SERPINB5: variants seen among roughly 807,000 people sequenced by gnomAD.
SERPINB5 encodes serpin B5.
SERPINB5 carries 27 observed loss-of-function variants against 32.2 expected under a neutral mutation model. The observed-to-expected ratio is 0.84, with a 90% CI of 0.62 to 1.16. The LOEUF is 1.16. SERPINB5 is among the 50% of genes most tolerant of loss of function. The pLI is 0.00. For missense variants in SERPINB5, 388 were observed against 436.3 expected, an observed-to-expected ratio of 0.89 and a Z score of 0.99; for synonymous variants, 154 against 157.4, an observed-to-expected ratio of 0.98 and a Z score of 0.16.
chr18:63,492,831 C>A, intron 4 of SERPINB5, 122 bp from the exon 5 acceptor site: 1 of 1,208,386 alleles, frequency 8.3e-7, no homozygotes, highest in Non-Finnish European at 1.2e-6. Flanking sequence ...ATGGTTGGAA[C>A]CATCAGGCCT....
intron 5 of SERPINB5, among the ~76,000 whole-genome samples, chr18:63,495,543 C>A (rs1386586899): frequency 6.6e-6 from 1 of 152,234 alleles, no homozygotes; most frequent in African/African-American, 2.4e-5. Context: ...TTCAAGACCC[C>A]AGAGCCAGCC....
At chr18:63,496,248 C>G (rs532837553) in intron 5 of SERPINB5, among the ~76,000 whole-genome samples, 10 of 152,140 alleles carry the variant, frequency 6.6e-5, no homozygotes, top group Middle Eastern at 6.3e-3. Context: ...TATGAGCAGT[C>G]TAACCTGTTG....
chr18:63,501,543 C>A (rs193254905), intron 6 of SERPINB5, among the ~76,000 whole-genome samples: 1 of 152,192 alleles, frequency 6.6e-6, no homozygotes, highest in African/African-American at 2.4e-5. Context: ...ATTTATAATC[C>A]TTTGAGTATA....
Position 63,503,607 on chromosome 18 carries a change from G to T in SERPINB5, c.1013G>T (p.Gly338Val), listed in dbSNP as rs1909616688. 6.2e-7 allele frequency: 1 copy of T among 1,614,112 alleles called. No homozygotes were observed. Among genetic ancestry groups the T allele is most frequent in the Non-Finnish European group, 8.5e-7 (1 of 1,180,038 alleles). ...GGTGGGGATTCCATAGAGGTGCCAG[G>T]AGCACGGATCCTGCAGCACAAGGAT... ...EDGGDSIEVP[G>V]ARILQHKDEL... The change falls in exon 7 of 7, where the codon GGA becomes GTA. Residue 338 changes from glycine to valine, a missense_variant. By Grantham distance (109) the Gly-to-Val change is moderately radical. Transcript: ENST00000382771.
intron 6 of SERPINB5, among the ~76,000 whole-genome samples, chr18:63,500,231 C>CA (rs750296307): frequency 7.1e-6 from 1 of 139,972 alleles, no homozygotes; most frequent in Admixed American, 7.2e-5. Flanking sequence ...CTATGCCTGG[C>CA]TTTTTTTTTT....
chr18:63,500,379 C>T (rs1488602302), intron 6 of SERPINB5, among the ~76,000 whole-genome samples: 4 of 151,966 alleles, frequency 2.6e-5, no homozygotes, highest in South Asian at 2.1e-4. Context: ...ATTTACGTTA[C>T]GGTTCACTCT....
At chr18:63,499,047 G>GTGTATATATATATA (rs376117295) in intron 5 of SERPINB5, 73 bp from the exon 6 acceptor site, 15 of 497,886 alleles carry the variant, frequency 3.0e-5, no homozygotes, top group East Asian at 2.5e-4. Context: ...GCGCGTGTGT[G>GTGTATATATATATA]TATATATATA....
chr18:63,497,088 G>C, intron 5 of SERPINB5: 1 of 595,322 alleles, frequency 1.7e-6, no homozygotes, highest in South Asian at 1.4e-5. Context: ...GAATAGCCCA[G>C]AGCATTCATC....
intron 5 of SERPINB5, chr18:63,496,915 G>T: frequency 2.8e-6 from 1 of 355,786 alleles, no homozygotes; most frequent in South Asian, 2.3e-5. Context: ...AGACCTGAAC[G>T]ATCAGACCCT....
At chr18:63,494,128 C>T (rs578030065) in intron 5 of SERPINB5, among the ~76,000 whole-genome samples, 12 of 151,902 alleles carry the variant, frequency 7.9e-5, no homozygotes, top group African/African-American at 2.9e-4. Context: ...TTGAGACCAG[C>T]CTGACCAACA....
At chr18:63,493,930 T>A (rs1909395599) in intron 5 of SERPINB5, among the ~76,000 whole-genome samples, 1 of 152,044 alleles carries the variant, frequency 6.6e-6, no homozygotes, top group Non-Finnish European at 1.5e-5. Flanking sequence ...AAAAACAAAG[T>A]ATGGCTTACT....
intron 5 of SERPINB5, chr18:63,497,340 G>A: frequency 7.7e-7 from 1 of 1,305,972 alleles, no homozygotes; most frequent in South Asian, 1.2e-5. Context: ...GCTTTGCCCT[G>A]TCTGAGGCCA....
intron 3 of SERPINB5, among the ~76,000 whole-genome samples, 181 bp downstream of exon 3, chr18:63,487,264 A>G (rs1917231135): frequency 6.6e-6 from 1 of 152,208 alleles, no homozygotes; most frequent in Admixed American, 6.5e-5. Context: ...AATTGCAGTC[A>G]CATCTTCTAA....
At chr18:63,497,515 G>C (rs1353048935) in intron 5 of SERPINB5, 5 of 324,660 alleles carry the variant, frequency 1.5e-5, no homozygotes. Flanking sequence ...AAAAAAAAAA[G>C]AGCCAAGCAT....
chr18:63,484,442 A>C lies in SERPINB5; in HGVS notation c.14A>C (p.Gln5Pro). ...TCCAGGCCCGCAATGGATGCCCTGC[A>C]ACTAGCAAATTCGGCTTTTGCCGTT... MDALQLANSAFAVDL... is the reference protein window; with the variant it reads MDALPLANSAFAVDL... The change falls in exon 2 of 7, where the codon CAA becomes CCA. Residue 5 changes from glutamine (Q) to proline (P), a missense_variant. By Grantham distance (76) the Gln-to-Pro change is moderately conservative (BLOSUM62 -1). Coordinates refer to ENST00000382771, the MANE Select transcript of SERPINB5 (RefSeq NM_002639.5). 1 of 1,612,850 alleles carries C rather than the reference A, an allele frequency of 6.2e-7. No individual in the cohort carries two copies. The highest frequency in any genetic ancestry group is 8.5e-7 in the Non-Finnish European group (1 of 1,179,664).
intron 1 of SERPINB5, among the ~76,000 whole-genome samples, chr18:63,482,138 C>G (rs1917136372): frequency 6.6e-6 from 1 of 152,190 alleles, no homozygotes; most frequent in Non-Finnish European, 1.5e-5. Flanking sequence ...GTCCATCCTA[C>G]ACACAAGCCA....
intron 5 of SERPINB5, among the ~76,000 whole-genome samples, chr18:63,495,797 C>T (rs1418143620): frequency 6.6e-6 from 1 of 152,200 alleles, no homozygotes. Context: ...TCATTGATCT[C>T]TCAGTGTTTC....
rs1336599411 is a variant in SERPINB5, at chr18:63,477,787, CAGGCTATTCCAG to C, written c.-8+745_-8+756del. Reference sequence around the variant, plus strand: ...CATATCATACTAAAAACCAACATGCCAGGCTATTCCAGAGACTTGTAACCAGATCCTCAGAGC... The same window carrying C: ...CATATCATACTAAAAACCAACATGCCAGACTTGTAACCAGATCCTCAGAGC... On this transcript the variant is annotated intron_variant, in intron 1 of 6. Coordinates refer to ENST00000382771, the MANE Select transcript of SERPINB5 (RefSeq NM_002639.5). Among the ~76,000 whole-genome samples the C allele has an allele frequency of 9.2e-5, 14 of 152,288 alleles. No individual in the cohort carries two copies. The East Asian group carries it at 2.7e-3, about 29-fold the overall frequency.
intron 6 of SERPINB5, among the ~76,000 whole-genome samples, chr18:63,501,937 G>T (rs1177807692): frequency 6.6e-6 from 1 of 151,842 alleles, no homozygotes; most frequent in Non-Finnish European, 1.5e-5. Context: ...GTAGATTCTG[G>T]ATATTAGCCC....
Sources: allele counts gnomAD v4.1 joint callset (sites outside exome capture counted in the v4.1 genomes callset), GRCh38; gene constraint gnomAD v4.1.1; transcripts MANE v1.5; gene names NCBI Gene and HGNC (gene_info 2026-07-23, HGNC 2026-07-21).